GRIA1: variants seen among roughly 807,000 people sequenced by gnomAD.
GRIA1 encodes glutamate ionotropic receptor AMPA type subunit 1, also known as glutamate receptor 1.
In GRIA1, 31 loss-of-function variants were observed where a neutral mutation model predicts 99.2. That is an observed-to-expected ratio of 0.31 (90% confidence interval 0.23 to 0.42). The LOEUF (loss-of-function observed/expected upper bound fraction) is 0.42. Ranked by LOEUF, GRIA1 falls within the 10% of genes least tolerant of loss-of-function variation. The pLI is 1.00. For synonymous variants in GRIA1, 438 were observed against 432.4 expected, an observed-to-expected ratio of 1.01 and a Z score of -0.16; for missense variants, 782 against 1,157.5, an observed-to-expected ratio of 0.68 and a Z score of 4.71.
chr5:153,674,748 G>A (rs377521882), intron 6 of GRIA1, 87 bp downstream of exon 6: 1 of 1,375,198 alleles, frequency 7.3e-7, no homozygotes. Context: ...CTTTACAAAG[G>A]AATCAGTTTT....
intron 10 of GRIA1, among the ~76,000 whole-genome samples, chr5:153,701,618 T>A (rs1447219099): frequency 8.4e-5 from 1 of 11,856 alleles, no homozygotes; most frequent in Non-Finnish European, 1.5e-4. Context: ...GAGACCCGTC[T>A]CAAAAAAAAA....
intron 10 of GRIA1, among the ~76,000 whole-genome samples, chr5:153,700,218 C>G (rs1234489978): frequency 2.0e-5 from 3 of 152,164 alleles, no homozygotes; most frequent in Admixed American, 6.5e-5. Context: ...AACCCCATCT[C>G]TACCAAAAAT....
At chr5:153,732,419 A>T (rs559109876) in intron 11 of GRIA1, among the ~76,000 whole-genome samples, 2 of 152,248 alleles carry the variant, frequency 1.3e-5, no homozygotes, top group Non-Finnish European at 2.9e-5. Flanking sequence ...TAACCATTCT[A>T]AGAATTGTAA....
chr5:153,615,677 A>G (rs1193700989), intron 2 of GRIA1, among the ~76,000 whole-genome samples: 1 of 152,144 alleles, frequency 6.6e-6, no homozygotes, highest in Non-Finnish European at 1.5e-5. Context: ...AAATAAAAGT[A>G]AACGCCACCA....
At chr5:153,505,097 T>A (rs1054381018) in intron 2 of GRIA1, among the ~76,000 whole-genome samples, 9 of 152,154 alleles carry the variant, frequency 5.9e-5, no homozygotes, top group Admixed American at 5.9e-4. Context: ...CAAGCAGAGA[T>A]CTCAAGCTGG....
At chr5:153,716,192 A>G (rs1447570088) in intron 11 of GRIA1, among the ~76,000 whole-genome samples, 1 of 152,230 alleles carries the variant, frequency 6.6e-6, no homozygotes, top group Non-Finnish European at 1.5e-5. Flanking sequence ...ATCTTCTTGA[A>G]AACTCTGCCT....
chr5:153,687,319 CTG>C (rs1222185215), intron 8 of GRIA1, among the ~76,000 whole-genome samples: 1 of 152,112 alleles, frequency 6.6e-6, no homozygotes, highest in African/African-American at 2.4e-5. Flanking sequence ...ACTTACTAGT[CTG>C]GGGTTCCGGA....
intron 2 of GRIA1, among the ~76,000 whole-genome samples, chr5:153,625,957 C>A (rs1052154013): frequency 6.6e-6 from 1 of 152,148 alleles, no homozygotes; most frequent in Admixed American, 6.6e-5. Context: ...CAAAGCTTAG[C>A]GATCTGGTGC....
chr5:153,665,963 TAC>T (rs1755714256), intron 5 of GRIA1, among the ~76,000 whole-genome samples: 1 of 152,190 alleles, frequency 6.6e-6, no homozygotes, highest in Admixed American at 6.5e-5. Context: ...CTAATGGCTA[TAC>T]AGGTTGAGAT....
At chr5:153,693,722 A>C (rs540703632) in intron 8 of GRIA1, among the ~76,000 whole-genome samples, 1 of 152,332 alleles carries the variant, frequency 6.6e-6, no homozygotes, top group Admixed American at 6.5e-5. Context: ...AATTGTTTAA[A>C]TCCTCTCCTG....
chr5:153,660,378 A>C (rs933048494), intron 5 of GRIA1, among the ~76,000 whole-genome samples: 1 of 152,236 alleles, frequency 6.6e-6, no homozygotes, highest in Non-Finnish European at 1.5e-5. Flanking sequence ...TATTATCCTC[A>C]GATGAAGAAA....
chr5:153,601,580 C>T lies in GRIA1; in HGVS notation c.221-45348C>T, dbSNP rs543610413. 2.0e-5 allele frequency among the ~76,000 whole-genome samples: 3 copies of T among 152,314 alleles called. No individual in the cohort carries two copies. In the East Asian group the frequency reaches 5.8e-4, roughly 29 times the overall value. On this transcript the variant is annotated intron_variant, in intron 2 of 15. Coordinates refer to ENST00000285900, the MANE Select transcript of GRIA1 (RefSeq NM_000827.4). ...GTGAAAATTAAATCAGAGCGGAAAACACCTCTCTATTCAACACCAGATTGT... is the reference window on the plus strand; with the variant it reads ...GTGAAAATTAAATCAGAGCGGAAAATACCTCTCTATTCAACACCAGATTGT...
At chr5:153,614,194 C>T (rs947271343) in intron 2 of GRIA1, among the ~76,000 whole-genome samples, 6 of 152,136 alleles carry the variant, frequency 3.9e-5, no homozygotes, top group Non-Finnish European at 7.4e-5. Context: ...ACACTTATTA[C>T]GATTTGTAAT....
chr5:153,633,247 T>C (rs1753106762), intron 2 of GRIA1, among the ~76,000 whole-genome samples: 1 of 152,242 alleles, frequency 6.6e-6, no homozygotes, highest in Non-Finnish European at 1.5e-5. Context: ...CTGTGCCTTA[T>C]ACTCCCTTCT....
chr5:153,526,719 C>T (rs1581176601), intron 2 of GRIA1, among the ~76,000 whole-genome samples: 1 of 152,316 alleles, frequency 6.6e-6, no homozygotes, highest in East Asian at 1.9e-4. Context: ...CTGCAGGAGG[C>T]AGATCCTATT....
intron 4 of GRIA1, among the ~76,000 whole-genome samples, chr5:153,654,648 G>A (rs901192057): frequency 1.3e-5 from 2 of 152,128 alleles, no homozygotes; most frequent in African/African-American, 2.4e-5. Flanking sequence ...AAAAAAACAT[G>A]AGTCACTATG....
chr5:153,591,307 C>T (rs934781556), intron 2 of GRIA1, among the ~76,000 whole-genome samples: 5 of 152,166 alleles, frequency 3.3e-5, no homozygotes, highest in Non-Finnish European at 1.5e-5. Flanking sequence ...CTTTTCAAAA[C>T]CATTCCAACG....
intron 2 of GRIA1, among the ~76,000 whole-genome samples, chr5:153,610,863 A>T (rs1765920216): frequency 6.6e-6 from 1 of 152,218 alleles, no homozygotes; most frequent in Non-Finnish European, 1.5e-5. Flanking sequence ...TTAGTATTAT[A>T]ATTGTATAGT....
chr5:153,683,886 G>A (rs1757161478), intron 7 of GRIA1, among the ~76,000 whole-genome samples: 1 of 152,150 alleles, frequency 6.6e-6, no homozygotes, highest in Non-Finnish European at 1.5e-5. Context: ...AGGAACCTAT[G>A]GTCATACAGT....
Sources: allele counts gnomAD v4.1 joint callset (sites outside exome capture counted in the v4.1 genomes callset), GRCh38; gene constraint gnomAD v4.1.1; transcripts MANE v1.5; gene names NCBI Gene and HGNC (gene_info 2026-07-23, HGNC 2026-07-21).